Variants in LRRC75A observed in about 807,000 individuals in gnomAD.
LRRC75A encodes the protein leucine rich repeat containing 75A.
Under a neutral mutation model 26.0 loss-of-function variants are expected in LRRC75A, and 12 were observed. That is an observed-to-expected ratio of 0.46 (90% CI 0.30 to 0.75). The LOEUF (loss-of-function observed/expected upper bound fraction) is 0.75. Ranked by LOEUF, LRRC75A falls within the 30% of genes least tolerant of loss-of-function variation. The probability of loss-of-function intolerance (pLI) is 0.08; values close to 1 mark genes in which losing one functional copy is unlikely to be tolerated. For missense variants in LRRC75A, 410 were observed against 486.6 expected, an observed-to-expected ratio of 0.84 and a Z score of 1.48; for synonymous variants, 223 against 219.3, an observed-to-expected ratio of 1.02 and a Z score of -0.15.
At chr17:16,477,859 G>T (rs2093824765) in intron 1 of LRRC75A, among the ~76,000 whole-genome samples, 1 of 152,078 alleles carries the variant, frequency 6.6e-6, no homozygotes, top group Non-Finnish European at 1.5e-5. Flanking sequence ...GGCTGGGAGG[G>T]GCCTATACCT....
At chr17:16,452,302 C>T (rs528391323) in intron 2 of LRRC75A, among the ~76,000 whole-genome samples, 1 of 151,202 alleles carries the variant, frequency 6.6e-6, no homozygotes, top group South Asian at 2.1e-4. Flanking sequence ...CTGCAGTGAG[C>T]CGTGATCACA....
At chr17:16,481,449 C>T (rs931393858) in intron 1 of LRRC75A, among the ~76,000 whole-genome samples, 7 of 152,198 alleles carry the variant, frequency 4.6e-5, no homozygotes, top group African/African-American at 1.4e-4. Context: ...AACATCCCTA[C>T]GGGAAGACAT....
chr17:16,468,359 G>A (rs969478584), intron 1 of LRRC75A, among the ~76,000 whole-genome samples: 13 of 152,196 alleles, frequency 8.5e-5, no homozygotes, highest in Admixed American at 2.6e-4. Flanking sequence ...GCCACGCAAC[G>A]AAATATTATT....
chr17:16,474,990 C>T (rs1181252955), intron 1 of LRRC75A, among the ~76,000 whole-genome samples: 2 of 143,394 alleles, frequency 1.4e-5, no homozygotes, highest in Admixed American at 6.9e-5. Context: ...TGCAAGACTC[C>T]GTCTCAAAAA....
chr17:16,460,174 C>A (rs2093716731), intron 2 of LRRC75A, among the ~76,000 whole-genome samples: 1 of 152,142 alleles, frequency 6.6e-6, no homozygotes, highest in African/African-American at 2.4e-5. Flanking sequence ...AGAAAAAGGT[C>A]CTTGCCAGTC....
chr17:16,447,729 C>T, intron 3 of LRRC75A, 116 bp downstream of exon 3: 1 of 728,054 alleles, frequency 1.4e-6, no homozygotes, highest in Non-Finnish European at 2.2e-6. Flanking sequence ...CTCCTTCAGG[C>T]AGCTTCTATG....
At chr17:16,477,226 TC>T (rs1448176671) in intron 1 of LRRC75A, among the ~76,000 whole-genome samples, 3 of 152,194 alleles carry the variant, frequency 2.0e-5, no homozygotes, top group Non-Finnish European at 2.9e-5. Context: ...CACAGCAGCA[TC>T]TAGACTAGTG....
At chr17:16,472,153 G>A (rs77342743) in intron 1 of LRRC75A, among the ~76,000 whole-genome samples, 3,128 of 152,180 alleles carry the variant, frequency 0.021, 109 homozygotes, top group African/African-American at 0.071. Flanking sequence ...TCATCAGCCG[G>A]CACTGCTGAG....
intron 1 of LRRC75A, among the ~76,000 whole-genome samples, chr17:16,473,027 TA>T (rs1412051147): frequency 1.3e-5 from 2 of 152,190 alleles, no homozygotes; most frequent in East Asian, 3.8e-4. Flanking sequence ...GTGAGGGGAA[TA>T]ATGAAATTGG....
In LRRC75A at chr17:16,443,607, A is replaced by T; in HGVS notation, c.1016T>A (p.Val339Glu). The T allele has an allele frequency of 1.3e-6, 2 of 1,530,442 alleles. No homozygotes were observed. The highest frequency in any genetic ancestry group is 1.8e-6 in the Non-Finnish European group (2 of 1,130,926). 94.8% of individuals were successfully genotyped at this position (1,530,442 alleles called of 1,614,324 possible). Reference protein sequence around the residue: ...AEDHHEGKETVAAAQT With the variant: ...AEDHHEGKETEAAAQT ...TCCATGTCACGTCTGAGCTGCAGCTACAGTCTCCTTGCCCTCATGGTGGTC... is the reference window on the plus strand; with the variant it reads ...TCCATGTCACGTCTGAGCTGCAGCTTCAGTCTCCTTGCCCTCATGGTGGTC... Residue 339 changes from valine to glutamate, a missense_variant, in exon 4 of 4, where the codon GTA (valine) becomes GAA (glutamate). Coordinates refer to ENST00000470794, the MANE Select transcript of LRRC75A (RefSeq NM_001113567.3).
At chr17:16,445,856 G>T (rs139859656) in intron 3 of LRRC75A, among the ~76,000 whole-genome samples, 1,564 of 152,328 alleles carry the variant, frequency 0.01, 24 homozygotes, top group African/African-American at 0.033. Context: ...CCACTTACCA[G>T]TTGGGTGATC....
chr17:16,485,825 T>C (rs772444259), intron 1 of LRRC75A, among the ~76,000 whole-genome samples: 1 of 152,096 alleles, frequency 6.6e-6, no homozygotes, highest in African/African-American at 2.4e-5. Context: ...CCCCACCCCC[T>C]CTGCATCCTG....
chr17:16,453,306 A>ACG (rs1377623540), intron 2 of LRRC75A, among the ~76,000 whole-genome samples: 5 of 70,578 alleles, frequency 7.1e-5, no homozygotes, highest in South Asian at 3.7e-4. Context: ...AAACACACAC[A>ACG]CACACGCACA....
chr17:16,475,947 C>A (rs2093818731), intron 1 of LRRC75A, among the ~76,000 whole-genome samples: 1 of 151,954 alleles, frequency 6.6e-6, no homozygotes, highest in Admixed American at 6.6e-5. Flanking sequence ...AATCCCAGCA[C>A]TTTGGGAGAC....
chr17:16,445,960 G>A (rs757976839), intron 3 of LRRC75A, among the ~76,000 whole-genome samples: 23 of 152,236 alleles, frequency 1.5e-4, no homozygotes, highest in Admixed American at 2.6e-4. Context: ...CCAGGCTGGA[G>A]TGCAGTGGCA....
At chr17:16,485,980 G>A (rs773834590) in intron 1 of LRRC75A, among the ~76,000 whole-genome samples, 4 of 152,112 alleles carry the variant, frequency 2.6e-5, no homozygotes, top group South Asian at 4.1e-4. Context: ...CCAGGCCCAC[G>A]GTCACAGTAG....
At chr17:16,477,177 G>A (rs908665685) in intron 1 of LRRC75A, among the ~76,000 whole-genome samples, 6 of 152,242 alleles carry the variant, frequency 3.9e-5, no homozygotes, top group South Asian at 2.1e-4. Flanking sequence ...AAGCCACCAT[G>A]CCTAGCCTCA....
In LRRC75A at chr17:16,476,902, C is replaced by A. The variant is rs183507189; in HGVS notation, c.247-14516G>T. The stretch of plus-strand genomic sequence containing the variant: ...CACAGGCGCCCACCACCACGCCTGG[C>A]TAATTTTTTGTATTTTTAGTAGAGA... On this transcript the variant is annotated intron_variant, in intron 1 of 3. Transcript: ENST00000470794. Among the ~76,000 whole-genome samples, 736 of 152,058 alleles carry A rather than the reference C, an allele frequency of 4.8e-3. 10 individuals carry two copies. Among genetic ancestry groups the A allele is most frequent in the African/African-American group, 0.017 (689 of 41,416 alleles).
rs1174797128 is a variant in LRRC75A at position 16,478,181 on chromosome 17, CT to C, written c.246+13563del. Among the ~76,000 whole-genome samples the C allele has an allele frequency of 3.8e-3, 561 of 148,594 alleles. 1 individual carries two copies. Among genetic ancestry groups the C allele is most frequent in the African/African-American group, 0.013 (527 of 40,356 alleles). On this transcript the variant is annotated intron_variant, in intron 1 of 3. Transcript: ENST00000470794. ...CACTCCACCTCTTGCCCATTTTCTT[CT>C]TTTTTTTTCTTTTTTTTTTTTTTGA... is the stretch of plus-strand genomic sequence containing the variant.
Sources: allele counts gnomAD v4.1 joint callset (sites outside exome capture counted in the v4.1 genomes callset), GRCh38; gene constraint gnomAD v4.1.1; transcripts MANE v1.5; gene names NCBI Gene and HGNC (gene_info 2026-07-23, HGNC 2026-07-21).